KNCN: variants seen among roughly 807,000 people sequenced by gnomAD.
KNCN encodes kinocilin.
Under a neutral mutation model 10.4 loss-of-function variants are expected in KNCN, and 11 were observed. The ratio of observed to expected loss-of-function variants is 1.06; its 90% CI spans 0.67 to 1.75. The LOEUF (loss-of-function observed/expected upper bound fraction) is 1.75, where lower values mean the gene tolerates loss of function less well. Ranked by LOEUF, KNCN falls within the 40% of genes most tolerant of loss-of-function variation. The pLI, the probability that KNCN is intolerant of heterozygous loss-of-function variation, is 0.00. For missense variants in KNCN, 172 were observed against 167.1 expected (o/e 1.03, Z -0.16); for synonymous variants, 67 against 71.6 (o/e 0.94, Z 0.33).
chr1:46,551,025 C>T lies in KNCN; in HGVS notation c.151+40G>A. Reference sequence around the variant, plus strand: ...CTGACGATGCCCCTGCCCCCACCTCCAGAATCTCCCTTCCCTATCCCAGCC... The same window carrying T: ...CTGACGATGCCCCTGCCCCCACCTCTAGAATCTCCCTTCCCTATCCCAGCC... On this transcript the variant is annotated intron_variant, in intron 1 of 3. Coordinates refer to ENST00000481882, the MANE Select transcript of KNCN (RefSeq NM_001322255.2). The surrounding 1 kb of genome is among the most constrained non-coding windows in gnomAD (Gnocchi z 4.0). 1 of 1,532,308 alleles carries T rather than the reference C, an allele frequency of 6.5e-7. No individual in the cohort carries two copies. The highest frequency in any genetic ancestry group is 1.4e-5 in the African/African-American group (1 of 71,470). The allele number at this position is 1,532,308 out of a possible 1,614,324, so 94.9% of individuals were successfully genotyped here.
rs113453992 is a variant in KNCN at position 46,547,531 on chromosome 1, C to T, written c.*199G>A. On this transcript the variant is annotated 3_prime_UTR_variant, in exon 4 of 4. Coordinates refer to ENST00000481882, the MANE Select transcript of KNCN (RefSeq NM_001322255.2). ...CGACACCTTGCTCCAGGTCCCAGCC[C>T]ACACCAGTGGAATCCATTTTGGAGA... 1.0e-3 allele frequency: 706 copies of T among 706,048 alleles called. 10 individuals are homozygous for T. The African/African-American group carries it at 0.011, about 11-fold the overall frequency. 43.7% of individuals were successfully genotyped at this position (706,048 alleles called of 1,614,324 possible). A position where few individuals can be genotyped will look rare whatever the true frequency, so the allele number is the denominator to read the frequency against.
At position 46,547,746 on chromosome 1, in the gene KNCN, C is replaced by A; in HGVS notation, c.359G>T (p.Gly120Val). Residue 120 changes from glycine to valine, a missense_variant, in exon 4 of 4, where the codon GGG (glycine) becomes GTG (valine). Gly to Val is a moderately radical substitution (Grantham distance 109). Transcript: ENST00000481882. ...TLEKLKPGTR[G>V]AEEC Reference sequence around the variant, plus strand: ...GACTTTGCCTCAGCATTCCTCAGCCCCCCGGGTCCCCGGCTTCAGCTTCTC... The same window carrying A: ...GACTTTGCCTCAGCATTCCTCAGCCACCCGGGTCCCCGGCTTCAGCTTCTC... 1 of 1,483,854 alleles carries A rather than the reference C, an allele frequency of 6.7e-7. No individual in the cohort carries two copies. Among genetic ancestry groups the A allele is most frequent in the Non-Finnish European group, 8.9e-7 (1 of 1,117,492 alleles). The allele number at this position is 1,483,854 out of a possible 1,614,324, so 91.9% of individuals were successfully genotyped here.
Position 46,547,471 on chromosome 1 carries a change from A to G in KNCN, c.*259T>C, listed in dbSNP as rs1239797450. 1 of 683,774 alleles carries G rather than the reference A, an allele frequency of 1.5e-6. No individual in the cohort carries two copies. Among genetic ancestry groups the G allele is most frequent in the Non-Finnish European group, 2.7e-6 (1 of 372,314 alleles). The allele number at this position is 683,774 out of a possible 1,614,324, so 42.4% of individuals were successfully genotyped here. On this transcript the variant is annotated 3_prime_UTR_variant, in exon 4 of 4. Coordinates refer to ENST00000481882, the MANE Select transcript of KNCN (RefSeq NM_001322255.2). ...GTCCAGAAAGAAAGGCCAGGGCAGG[A>G]GCCTGAAACATGGGAACCCTGTGGG... is the stretch of plus-strand genomic sequence containing the variant.
chr1:46,548,191 T>C (rs1045016737), intron 3 of KNCN, among the ~76,000 whole-genome samples: 1 of 152,164 alleles, frequency 6.6e-6, no homozygotes, highest in African/African-American at 2.4e-5. Context: ...CATGTGGTTG[T>C]TGTGAGACTT....
Position 46,547,775 on chromosome 1 carries a change from G to A in KNCN, c.330C>T (p.Thr110=). 1 of 1,471,704 alleles carries A rather than the reference G, an allele frequency of 6.8e-7. No homozygotes were observed. The highest frequency in any genetic ancestry group is 1.4e-5 in the South Asian group (1 of 69,624). 91.2% of individuals were successfully genotyped at this position (1,471,704 alleles called of 1,614,324 possible). The change falls in exon 4 of 4, where the codon ACC becomes ACT. Residue 110 remains threonine, a synonymous_variant. Coordinates refer to ENST00000481882, the MANE Select transcript of KNCN (RefSeq NM_001322255.2). ...GGGTCCCCGGCTTCAGCTTCTCCAG[G>A]GTCCTGCTCACGGTGGACAGGCTGC... The part of the protein sequence containing the change: ...ARSSLSTVSR[T]LEKLKPGTRG...
At position 46,549,916 on chromosome 1, in the gene KNCN, G is replaced by A. The variant is rs1283365282; in HGVS notation, c.220+18C>T. On this transcript the variant is annotated intron_variant, in intron 2 of 3. Coordinates refer to ENST00000481882, the MANE Select transcript of KNCN (RefSeq NM_001322255.2). ...GTCCTTGGCAGAGGGGTCTGCTGGG[G>A]TCAGGGAGAGGCCTCACCTATGGTA... The A allele has an allele frequency of 6.4e-7, 1 of 1,550,614 alleles. No individual in the cohort carries two copies. Among genetic ancestry groups the A allele is most frequent in the South Asian group, 1.2e-5 (1 of 84,066 alleles).
Position 46,550,053 on chromosome 1 carries a change from T to C in KNCN, c.152-51A>G, listed in dbSNP as rs959559166. The C allele has an allele frequency of 3.9e-6, 6 of 1,549,708 alleles. No homozygotes were observed. The African/African-American group carries it at 8.2e-5, about 21-fold the overall frequency. On this transcript the variant is annotated intron_variant, in intron 1 of 3. Coordinates refer to ENST00000481882, the MANE Select transcript of KNCN (RefSeq NM_001322255.2). ...TGATGGGGAGGAGCCTGGTGAGTGTTGAGGCTGTGGGTGGGCTGGGAGCCT... is the reference window on the plus strand; with the variant it reads ...TGATGGGGAGGAGCCTGGTGAGTGTCGAGGCTGTGGGTGGGCTGGGAGCCT...
chr1:46,547,740 T>C lies in KNCN; in HGVS notation c.365A>G (p.Glu122Gly). ...EKLKPGTRGA[E>G]EC ...CGCTCAGACTTTGCCTCAGCATTCCTCAGCCCCCCGGGTCCCCGGCTTCAG... is the reference window on the plus strand; with the variant it reads ...CGCTCAGACTTTGCCTCAGCATTCCCCAGCCCCCCGGGTCCCCGGCTTCAG... The change falls in exon 4 of 4, where the codon GAG becomes GGG. Residue 122 changes from glutamate to glycine, a missense_variant. Glu to Gly is a moderately conservative substitution (Grantham distance 98). Coordinates refer to ENST00000481882, the MANE Select transcript of KNCN (RefSeq NM_001322255.2). The C allele has an allele frequency of 6.7e-7, 1 of 1,494,284 alleles. No homozygotes were observed. The highest frequency in any genetic ancestry group is 1.4e-5 in the African/African-American group (1 of 71,370). The allele number at this position is 1,494,284 out of a possible 1,614,324, so 92.6% of individuals were successfully genotyped here. A position where few individuals can be genotyped will look rare whatever the true frequency, so the allele number is the denominator to read the frequency against.
chr1:46,550,992 T>G, intron 1 of KNCN, 73 bp downstream of exon 1: 1 of 1,390,636 alleles, frequency 7.2e-7, no homozygotes, highest in Non-Finnish European at 9.8e-7. Flanking sequence ...TCCCTGTTCC[T>G]TGTTCACCTG....
At position 46,547,503 on chromosome 1, in the gene KNCN, C is replaced by T. The variant is rs776964756; in HGVS notation, c.*227G>A. 2.6e-5 allele frequency: 18 copies of T among 697,772 alleles called. 1 individual carries two copies. Among genetic ancestry groups the T allele is most frequent in the South Asian group, 1.0e-4 (7 of 66,704 alleles). 43.2% of individuals were successfully genotyped at this position (697,772 alleles called of 1,614,324 possible). On this transcript the variant is annotated 3_prime_UTR_variant, in exon 4 of 4. Transcript: ENST00000481882. ...AACATGGGAACCCTGTGGGGGCGTCCGGCGACACCTTGCTCCAGGTCCCAG... is the reference window on the plus strand; with the variant it reads ...AACATGGGAACCCTGTGGGGGCGTCTGGCGACACCTTGCTCCAGGTCCCAG...
chr1:46,548,345 T>C (rs1666990530), intron 3 of KNCN, among the ~76,000 whole-genome samples: 1 of 152,046 alleles, frequency 6.6e-6, no homozygotes, highest in South Asian at 2.1e-4. Context: ...TTTCCAGGTG[T>C]GGGGTGGAAG....
Position 46,547,694 on chromosome 1 carries a change from G to C in KNCN, c.*36C>G. The stretch of plus-strand genomic sequence containing the variant: ...TGACATAGGGGCAGCAGGCAGGATG[G>C]GAGGGCAGGGCATGGGCAGCCGCTC... On this transcript the variant is annotated 3_prime_UTR_variant, in exon 4 of 4. Transcript: ENST00000481882. 6.7e-7 allele frequency: 1 copy of C among 1,493,050 alleles called. No individual in the cohort carries two copies. Among genetic ancestry groups the C allele is most frequent in the Non-Finnish European group, 9.1e-7 (1 of 1,101,022 alleles). 92.5% of individuals were successfully genotyped at this position (1,493,050 alleles called of 1,614,324 possible).
chr1:46,551,004 C>T lies in KNCN; in HGVS notation c.151+61G>A, dbSNP rs972143362. On this transcript the variant is annotated intron_variant, in intron 1 of 3. Transcript: ENST00000481882. The surrounding 1 kb of genome is among the most constrained non-coding windows in gnomAD (Gnocchi z 4.0). ...CCTTCCCTGTTCCTTGTTCACCTGA[C>T]GATGCCCCTGCCCCCACCTCCAGAA... 5.1e-5 allele frequency: 73 copies of T among 1,440,070 alleles called. No homozygotes were observed. The highest frequency in any genetic ancestry group is 1.5e-4 in the South Asian group (11 of 72,630). The allele number at this position is 1,440,070 out of a possible 1,614,324, so 89.2% of individuals were successfully genotyped here.
chr1:46,550,717 C>G (rs1224216709), intron 1 of KNCN, among the ~76,000 whole-genome samples: 2 of 152,156 alleles, frequency 1.3e-5, no homozygotes, highest in African/African-American at 4.8e-5. Flanking sequence ...GGAGCTCTGT[C>G]CTTTTACCTG....
Position 46,551,206 on chromosome 1 carries a change from G to A in KNCN, c.10C>T (p.Pro4Ser), listed in dbSNP as rs1323677730. MDI[P>S]ISSRDFRGLQ... The stretch of plus-strand genomic sequence containing the variant: ...CCGCGGAAGTCTCTGCTGCTGATGG[G>A]GATGTCCATGCAGGCCCACCCGGGG... The change falls in exon 1 of 4, where the codon CCC (proline) becomes TCC (serine). Residue 4 changes from proline (P) to serine (S), a missense_variant. Coordinates refer to ENST00000481882, the MANE Select transcript of KNCN (RefSeq NM_001322255.2). This position sits in a 1 kb window ranked among gnomAD's most constrained non-coding sequence, Gnocchi z 4.0. The A allele has an allele frequency of 2.5e-6, 4 of 1,608,368 alleles. No individual in the cohort carries two copies. Among genetic ancestry groups the A allele is most frequent in the Non-Finnish European group, 3.4e-6 (4 of 1,177,654 alleles).
In KNCN at chr1:46,547,248, G is replaced by C. The variant is rs1666960933; in HGVS notation, c.*482C>G. On this transcript the variant is annotated 3_prime_UTR_variant, in exon 4 of 4. Transcript: ENST00000481882. ...AGAATCTTGTCTAGCCCCTCTATTG[G>C]GCTAGTGAGCTCTAGAGCCCCTGGG... is the stretch of plus-strand genomic sequence containing the variant. 2.7e-6 allele frequency: 1 copy of C among 371,728 alleles called. No homozygotes were observed. The highest frequency in any genetic ancestry group is 3.6e-5 in the Admixed American group (1 of 27,852). 23.0% of individuals were successfully genotyped at this position (371,728 alleles called of 1,614,324 possible). A position where few individuals can be genotyped will look rare whatever the true frequency, so the allele number is the denominator to read the frequency against.
intron 2 of KNCN, 28 bp downstream of exon 2, chr1:46,549,906 G>T (rs1341611694): frequency 3.2e-6 from 5 of 1,550,468 alleles, no homozygotes; most frequent in Non-Finnish European, 4.4e-6. Flanking sequence ...TGGCAGAGGG[G>T]TCTGCTGGGG....
rs1666958002 is a variant in KNCN at position 46,547,079 on chromosome 1, C to A, written c.*651G>T. The A allele has an allele frequency of 1.3e-5, 4 of 304,988 alleles. No homozygotes were observed. Among genetic ancestry groups the A allele is most frequent in the South Asian group, 8.7e-5 (3 of 34,560 alleles). 18.9% of individuals were successfully genotyped at this position (304,988 alleles called of 1,614,324 possible). On this transcript the variant is annotated 3_prime_UTR_variant, in exon 4 of 4. Transcript: ENST00000481882. Reference sequence around the variant, plus strand: ...AGACACCAAGGGTCTCAGGCCTGGGCTCAGCTGAGAAGTTGCCTCCTCTGA... The same window carrying A: ...AGACACCAAGGGTCTCAGGCCTGGGATCAGCTGAGAAGTTGCCTCCTCTGA...
In KNCN at chr1:46,547,798, T is replaced by A; in HGVS notation, c.307A>T (p.Ser103Cys). ...TNGNKEGARS[S>C]LSTVSRTLEK... ...AGGGTCCTGCTCACGGTGGACAGGC[T>A]GCTGCGGGCTCCTGGGGGAGAGAAC... Residue 103 changes from serine (S) to cysteine (C), a missense_variant, in exon 4 of 4, where the codon AGC (serine) becomes TGC (cysteine). By Grantham distance (112) the Ser-to-Cys change is moderately radical. Transcript: ENST00000481882. 6.9e-7 allele frequency: 1 copy of A among 1,458,322 alleles called. No homozygotes were observed. The highest frequency in any genetic ancestry group is 9.0e-7 in the Non-Finnish European group (1 of 1,105,094). 90.3% of individuals were successfully genotyped at this position (1,458,322 alleles called of 1,614,324 possible).
Sources: gnomAD v4.1 joint callset for allele counts (sites outside exome capture counted in the v4.1 genomes callset) on GRCh38, gnomAD v4.1.1 for gene constraint, Gnocchi (gnomAD v3.1) non-coding constraint, MANE v1.5 for transcripts, NCBI Gene and HGNC (gene_info 2026-07-23, HGNC 2026-07-21) for gene names.